The following TXNDC5 variants were observed in gnomAD, a reference collection of about 807,000 sequenced individuals.
The protein encoded by TXNDC5 is thioredoxin domain containing 5, also known as thioredoxin domain-containing protein 5.
Under a neutral mutation model 52.6 loss-of-function variants are expected in TXNDC5, and 44 were observed. That is an observed-to-expected ratio of 0.84 (90% CI 0.66 to 1.08). TXNDC5 has a LOEUF of 1.08. Ranked by LOEUF, TXNDC5 falls within the 50% of genes least tolerant of loss-of-function variation. The probability of loss-of-function intolerance (pLI) is 0.00; values close to 1 mark genes in which losing one functional copy is unlikely to be tolerated. For synonymous variants in TXNDC5, 241 were observed against 234.4 expected (o/e 1.03, Z -0.26); for missense variants, 600 against 565.5 (o/e 1.06, Z -0.62).
At chr6:7,894,811 G>T in intron 4 of TXNDC5, 1 of 985,442 alleles carries the variant, frequency 1.0e-6, no homozygotes, top group African/African-American at 1.7e-5. Flanking sequence ...GAGCAATCAA[G>T]CGAGGTGAGT....
intron 3 of TXNDC5, among the ~76,000 whole-genome samples, chr6:7,895,639 G>A (rs1177295104): frequency 6.6e-6 from 1 of 152,218 alleles, no homozygotes; most frequent in Non-Finnish European, 1.5e-5. Context: ...ACACCAGAGT[G>A]CCCAGCGCAG....
intron 3 of TXNDC5, 85 bp from the exon 4 acceptor site, chr6:7,895,287 C>T (rs1760329359): frequency 2.4e-6 from 3 of 1,254,282 alleles, no homozygotes; most frequent in East Asian, 5.1e-5. Flanking sequence ...CTGTGGGGAA[C>T]CGCCTGCAGA....
At chr6:7,904,812 G>C in intron 1 of TXNDC5, 89 bp from the exon 2 acceptor site, 2 of 1,508,506 alleles carry the variant, frequency 1.3e-6, no homozygotes, top group Middle Eastern at 3.6e-4. Flanking sequence ...GGACAATGGG[G>C]CTCTCAGTCC....
At chr6:7,893,786 G>A (rs1218111220) in intron 4 of TXNDC5, among the ~76,000 whole-genome samples, 1 of 152,220 alleles carries the variant, frequency 6.6e-6, no homozygotes, top group African/African-American at 2.4e-5. Context: ...CTCCCAGCAG[G>A]CACAAGTCAC....
At position 7,883,091 on chromosome 6, in the gene TXNDC5, C is replaced by T. The variant is rs1759824893; in HGVS notation, c.*53G>A. 2 of 1,611,898 alleles carry T rather than the reference C, an allele frequency of 1.2e-6. No individual in the cohort carries two copies. The highest frequency in any genetic ancestry group is 1.7e-6 in the Non-Finnish European group (2 of 1,178,938). On this transcript the variant is annotated 3_prime_UTR_variant, in exon 10 of 10. Coordinates refer to ENST00000379757, the MANE Select transcript of TXNDC5 (RefSeq NM_030810.5). ...CCAGTGGCCTCTGTGGGACTGAACT[C>T]CTAAACGCAGGGTGCGGGAGCTGGG... is the stretch of plus-strand genomic sequence containing the variant.
At chr6:7,895,316 AC>A in intron 3 of TXNDC5, 114 bp from the exon 4 acceptor site, 1 of 864,358 alleles carries the variant, frequency 1.2e-6, no homozygotes, top group Non-Finnish European at 1.8e-6. Context: ...TCACCCAACA[AC>A]CTGGAACCCT....
chr6:7,887,114 A>T (rs1240236833), intron 7 of TXNDC5, among the ~76,000 whole-genome samples: 1 of 147,522 alleles, frequency 6.8e-6, no homozygotes, highest in Non-Finnish European at 1.5e-5. Context: ...GTCAACTTTT[A>T]AACAACACTC....
intron 7 of TXNDC5, among the ~76,000 whole-genome samples, chr6:7,886,851 C>T (rs927540488): frequency 1.3e-5 from 2 of 152,128 alleles, no homozygotes; most frequent in East Asian, 1.9e-4. Flanking sequence ...ATGTCAGTGA[C>T]GGAGGCCAAG....
intron 2 of TXNDC5, among the ~76,000 whole-genome samples, chr6:7,902,449 A>G (rs911781018): frequency 6.6e-6 from 1 of 152,140 alleles, no homozygotes; most frequent in African/African-American, 2.4e-5. Context: ...CTCCAGTTAC[A>G]CTTGCCAGGA....
intron 5 of TXNDC5, among the ~76,000 whole-genome samples, chr6:7,890,643 GATA>G (rs146761016): frequency 6.6e-5 from 10 of 152,266 alleles, no homozygotes; most frequent in African/African-American, 2.2e-4. Flanking sequence ...AATATAAACT[GATA>G]ATAACATGTA....
In TXNDC5 at chr6:7,910,506, G is replaced by T. The variant is rs750129844; in HGVS notation, c.263+8C>A. On this transcript the variant is annotated splice_region_variant and intron_variant, in intron 1 of 9. Transcript: ENST00000379757. The stretch of plus-strand genomic sequence containing the variant: ...TGCGGGGCAGGGCGCCGGCCTGCGC[G>T]GCGTTACCAGGGCGCGAAGAACATG... 4 of 1,431,102 alleles carry T rather than the reference G, an allele frequency of 2.8e-6. No individual in the cohort carries two copies. The highest frequency in any genetic ancestry group is 1.3e-5 in the South Asian group (1 of 77,176). 88.7% of individuals were successfully genotyped at this position (1,431,102 alleles called of 1,614,324 possible).
chr6:7,910,173 G>A, intron 1 of TXNDC5: 6 of 983,452 alleles, frequency 6.1e-6, no homozygotes, highest in African/African-American at 1.8e-5. Context: ...CACGTCAGCC[G>A]CCAGTGCCCG....
intron 4 of TXNDC5, chr6:7,894,848 ATGC>A (rs1760311062): frequency 3.0e-6 from 3 of 985,320 alleles, no homozygotes; most frequent in Non-Finnish European, 3.6e-6. Context: ...TTAGCCAAGG[ATGC>A]ACTGTCCAGC....
intron 1 of TXNDC5, among the ~76,000 whole-genome samples, chr6:7,905,579 G>A (rs1760704030): frequency 6.6e-6 from 1 of 152,154 alleles, no homozygotes; most frequent in Non-Finnish European, 1.5e-5. Flanking sequence ...ATTTCATGAG[G>A]ATATCAGCAT....
At position 7,883,109 on chromosome 6, in the gene TXNDC5, G is replaced by T. The variant is rs1490659800; in HGVS notation, c.*35C>A. 6.2e-7 allele frequency: 1 copy of T among 1,613,720 alleles called. No homozygotes were observed. Among genetic ancestry groups the T allele is most frequent in the Non-Finnish European group, 8.5e-7 (1 of 1,179,886 alleles). Reference sequence around the variant, plus strand: ...CTGAACTCCTAAACGCAGGGTGCGGGAGCTGGGCAGGAGAGGTGACCTCCA... The same window carrying T: ...CTGAACTCCTAAACGCAGGGTGCGGTAGCTGGGCAGGAGAGGTGACCTCCA... On this transcript the variant is annotated 3_prime_UTR_variant, in exon 10 of 10. Coordinates refer to ENST00000379757, the MANE Select transcript of TXNDC5 (RefSeq NM_030810.5).
rs576370825 is a variant in TXNDC5, at chr6:7,896,557, G to A, written c.520-1355C>T. The stretch of plus-strand genomic sequence containing the variant: ...AAAGGTGCTGACAGTTCAAAGCTGT[G>A]CAGGGCTGGAATCATAAAGAACCAC... On this transcript the variant is annotated intron_variant, in intron 3 of 9. Coordinates refer to ENST00000379757, the MANE Select transcript of TXNDC5 (RefSeq NM_030810.5). Among the ~76,000 whole-genome samples the A allele has an allele frequency of 3.3e-5, 5 of 152,342 alleles. No homozygotes were observed. The East Asian group carries it at 7.7e-4, about 23-fold the overall frequency.
chr6:7,885,462 A>G (rs1433555015), intron 8 of TXNDC5, among the ~76,000 whole-genome samples: 1 of 152,214 alleles, frequency 6.6e-6, no homozygotes, highest in Non-Finnish European at 1.5e-5. Flanking sequence ...GGTCTCCAAG[A>G]CCACGTGGCA....
At chr6:7,898,107 C>T (rs1485142287) in intron 3 of TXNDC5, among the ~76,000 whole-genome samples, 1 of 151,784 alleles carries the variant, frequency 6.6e-6, no homozygotes. Context: ...GTTGCATAGG[C>T]TGGAGTGCAG....
At chr6:7,883,355 G>C in intron 9 of TXNDC5, 89 bp from the exon 10 acceptor site, 1 of 1,575,748 alleles carries the variant, frequency 6.3e-7, no homozygotes, top group Non-Finnish European at 8.6e-7. Flanking sequence ...CACTCCTACC[G>C]TTGTGGCTGG....
Sources: allele counts gnomAD v4.1 joint callset (sites outside exome capture counted in the v4.1 genomes callset), GRCh38; gene constraint gnomAD v4.1.1; transcripts MANE v1.5; gene names NCBI Gene and HGNC (gene_info 2026-07-23, HGNC 2026-07-21).